The following MID1 variants were observed in gnomAD, a reference collection of about 807,000 sequenced individuals.
The protein encoded by MID1 is midline 1.
Under a neutral mutation model 40.4 loss-of-function variants are expected in MID1, and 7 were observed. The ratio of observed to expected loss-of-function variants is 0.17; its 90% CI spans 0.10 to 0.33. The LOEUF (loss-of-function observed/expected upper bound fraction) is 0.33. MID1 is among the 10% of genes least tolerant of loss of function. The pLI is 1.00. For missense variants in MID1, 367 were observed against 558.5 expected, an observed-to-expected ratio of 0.66 and a Z score of 3.46; for synonymous variants, 229 against 221.2, an observed-to-expected ratio of 1.04 and a Z score of -0.31.
intron 8 of MID1, among the ~76,000 whole-genome samples, chrX:10,456,912 T>C (rs181853978): frequency 3.5e-4 from 39 of 111,937 alleles, no homozygotes; most frequent in Admixed American, 1.0e-3. Context: ...TGAGCAGGGA[T>C]TGGACATTCT....
At chrX:10,571,081 C>T (rs1934708947) in intron 1 of MID1, among the ~76,000 whole-genome samples, 1 of 112,135 alleles carries the variant, frequency 8.9e-6, no homozygotes, top group African/African-American at 3.2e-5. Context: ...TGCTTAGGGG[C>T]AACTCATGTA....
At chrX:10,528,618 A>G (rs1053055503) in intron 2 of MID1, among the ~76,000 whole-genome samples, 5 of 111,759 alleles carry the variant, frequency 4.5e-5, no homozygotes, top group African/African-American at 1.6e-4. Context: ...TTACCAAAAC[A>G]AGTGGTGAGT....
chrX:10,648,096 G>A (rs935636636), intron 1 of MID1, among the ~76,000 whole-genome samples: 1 of 111,932 alleles, frequency 8.9e-6, no homozygotes, highest in African/African-American at 3.2e-5. Flanking sequence ...ATGTACACAT[G>A]AACACCAACA....
chrX:10,505,236 G>T, intron 3 of MID1: 1 of 465,134 alleles, frequency 2.1e-6, no homozygotes, highest in Non-Finnish European at 2.7e-6. Flanking sequence ...GCTGACTTCT[G>T]TCACAATTAT....
At chrX:10,632,680 G>A (rs946151816) in intron 1 of MID1, among the ~76,000 whole-genome samples, 54 of 110,845 alleles carry the variant, frequency 4.9e-4, no homozygotes, top group African/African-American at 1.7e-3. Flanking sequence ...CCCAGGTAGG[G>A]CCGATGCTGT....
intron 1 of MID1, among the ~76,000 whole-genome samples, chrX:10,750,851 C>T (rs1268877895): frequency 9.1e-6 from 1 of 110,206 alleles, no homozygotes; most frequent in African/African-American, 3.3e-5. Flanking sequence ...TATTTAGAAG[C>T]ATATTTGTGA....
At chrX:10,465,208 TATATATACACACACAC>T (rs1285474812) in intron 7 of MID1, among the ~76,000 whole-genome samples, 4 of 65,110 alleles carry the variant, frequency 6.1e-5, no homozygotes, top group South Asian at 7.2e-4. Flanking sequence ...TATATATATA[TATATATACACACACAC>T]ACACACACAC....
chrX:10,786,846 T>G, intron 1 of MID1, among the ~76,000 whole-genome samples: 1 of 101,706 alleles, frequency 9.8e-6, no homozygotes, highest in African/African-American at 3.6e-5. Flanking sequence ...AGGGATAGCA[T>G]TAGGAGATAT....
At chrX:10,612,423 A>G (rs1027059027) in intron 1 of MID1, among the ~76,000 whole-genome samples, 2 of 111,897 alleles carry the variant, frequency 1.8e-5, no homozygotes, top group Non-Finnish European at 3.8e-5. Context: ...TCTCTCGTCT[A>G]TTTGTTCCAT....
intron 1 of MID1, among the ~76,000 whole-genome samples, chrX:10,793,440 T>C (rs1386541903): frequency 8.9e-6 from 1 of 112,425 alleles, no homozygotes; most frequent in Non-Finnish European, 1.9e-5. Flanking sequence ...TGGACATTCC[T>C]CAGCTGTTTT....
chrX:10,609,715 C>CTTTTTT (rs138559299), intron 1 of MID1, among the ~76,000 whole-genome samples: 3 of 86,389 alleles, frequency 3.5e-5, no homozygotes, highest in Non-Finnish European at 4.4e-5. Context: ...TTCTTTCTTT[C>CTTTTTT]TTTTTTTTTT....
chrX:10,481,967 T>G (rs1351165562), intron 5 of MID1, among the ~76,000 whole-genome samples: 1 of 112,108 alleles, frequency 8.9e-6, no homozygotes, highest in African/African-American at 3.2e-5. Flanking sequence ...GTCCTTTCTC[T>G]CCTGCGTGAG....
intron 2 of MID1, among the ~76,000 whole-genome samples, chrX:10,527,981 T>C (rs778162238): frequency 8.0e-5 from 9 of 112,076 alleles, no homozygotes; most frequent in Non-Finnish European, 1.5e-4. Flanking sequence ...ATAGACCACC[T>C]AACCCATTTT....
At chrX:10,825,571 C>T (rs1318244490) in intron 1 of MID1, among the ~76,000 whole-genome samples, 1 of 111,903 alleles carries the variant, frequency 8.9e-6, no homozygotes, top group African/African-American at 3.3e-5. Context: ...TTTTCTAAAT[C>T]CTATAGTCCT....
intron 1 of MID1, among the ~76,000 whole-genome samples, chrX:10,739,693 G>T (rs73202017): frequency 0.031 from 3,496 of 112,055 alleles, 48 homozygotes; most frequent in South Asian, 0.056. Context: ...TTATGGAAAT[G>T]TATCAATGGA....
Position 10,516,605 on chromosome X carries a change from T to C in MID1, c.756+6487A>G, listed in dbSNP as rs918977478. On this transcript the variant is annotated intron_variant, in intron 3 of 9. Coordinates refer to ENST00000317552, the MANE Select transcript of MID1 (RefSeq NM_000381.4). ...GTGTGTGTGTGTGTGTGTGTGTGTG[T>C]GTGTGCGCGCGCGCACGCGTGTGTT... Among the ~76,000 whole-genome samples, 170 of 62,110 alleles carry C rather than the reference T, an allele frequency of 2.7e-3. 2 individuals carry two copies. Among genetic ancestry groups the C allele is most frequent in the South Asian group, 7.3e-3 (8 of 1,100 alleles). The allele number at this position is 62,110 out of a possible 115,157, so 53.9% of individuals were successfully genotyped here.
chrX:10,780,109 G>A (rs2043834947), intron 1 of MID1, among the ~76,000 whole-genome samples: 1 of 110,287 alleles, frequency 9.1e-6, no homozygotes. Flanking sequence ...GAGACTACAG[G>A]TGCAGGCCAC....
intron 1 of MID1, among the ~76,000 whole-genome samples, chrX:10,746,757 T>C (rs1397263896): frequency 9.0e-6 from 1 of 110,511 alleles, no homozygotes; most frequent in Non-Finnish European, 1.9e-5. Flanking sequence ...TGAACAGGCA[T>C]TTTGGATCTC....
intron 1 of MID1, among the ~76,000 whole-genome samples, chrX:10,722,229 C>G (rs745417600): frequency 6.1e-4 from 68 of 111,709 alleles, no homozygotes; most frequent in African/African-American, 1.6e-3. Context: ...CTGTGTAAAA[C>G]AATCTCCCCC....
Sources: allele counts gnomAD v4.1 joint callset (sites outside exome capture counted in the v4.1 genomes callset), GRCh38; gene constraint gnomAD v4.1.1; transcripts MANE v1.5; gene names NCBI Gene and HGNC (gene_info 2026-07-23, HGNC 2026-07-21).